The following DLGAP4 variants were observed in gnomAD, a reference collection of about 807,000 sequenced individuals.
DLGAP4 encodes the protein disks large-associated protein 4.
A neutral mutation model predicts 86.9 loss-of-function variants in DLGAP4; 18 were observed. The ratio of observed to expected loss-of-function variants is 0.21; its 90% confidence interval spans 0.14 to 0.31. The LOEUF is 0.31. Among genes scored for constraint, DLGAP4 ranks in the 10% least tolerant of loss-of-function variants. The pLI is 1.00. For missense variants in DLGAP4, 1,085 were observed against 1,362.6 expected, an observed-to-expected ratio of 0.80 and a Z score of 3.21; for synonymous variants, 548 against 574.3, an observed-to-expected ratio of 0.95 and a Z score of 0.65.
At chr20:36,412,528 A>G (rs2032528263) in intron 2 of DLGAP4, among the ~76,000 whole-genome samples, 1 of 152,226 alleles carries the variant, frequency 6.6e-6, no homozygotes, top group Non-Finnish European at 1.5e-5. Context: ...CTGGGTTCAA[A>G]TCCCAGCTCT....
chr20:36,455,528 G>GGGAT (rs1226467513), intron 7 of DLGAP4, among the ~76,000 whole-genome samples: 2 of 152,150 alleles, frequency 1.3e-5, no homozygotes, highest in African/African-American at 4.8e-5. Context: ...AGGCTGACCT[G>GGGAT]GGATGGGCTC....
chr20:36,361,505 C>T (rs781946052), intron 1 of DLGAP4, among the ~76,000 whole-genome samples: 3 of 152,076 alleles, frequency 2.0e-5, no homozygotes, highest in Non-Finnish European at 2.9e-5. Flanking sequence ...GTTCCACATG[C>T]GTTTTGAAAA....
Position 36,459,452 on chromosome 20 carries a change from C to T in DLGAP4, c.1648+12515C>T, listed in dbSNP as rs185705413. On this transcript the variant is annotated intron_variant, in intron 7 of 12. Coordinates refer to ENST00000339266, the MANE Select transcript of DLGAP4 (RefSeq NM_001365621.2). ...AGTGCCGTGGCAGGATCACAGCTCA[C>T]TACAGCTTTGACCTCCTGGGCCCAA... Among the ~76,000 whole-genome samples, 537 of 152,274 alleles carry T rather than the reference C, an allele frequency of 3.5e-3. 7 individuals carry two copies. The highest frequency in any genetic ancestry group is 0.013 in the African/African-American group (522 of 41,568).
chr20:36,453,934 CAAAAAAAAAAAA>C (rs1194294335), intron 7 of DLGAP4, among the ~76,000 whole-genome samples: 112 of 42,686 alleles, frequency 2.6e-3, no homozygotes, highest in African/African-American at 9.2e-3. Context: ...ACTCTGTCTC[CAAAAAAAAAAAA>C]AAAAAAAAAA....
At chr20:36,357,325 C>A (rs1555893913) in intron 1 of DLGAP4, among the ~76,000 whole-genome samples, 2 of 152,344 alleles carry the variant, frequency 1.3e-5, no homozygotes, top group African/African-American at 2.4e-5. Flanking sequence ...ACTTTGCCCA[C>A]CTAGTGGACA....
At chr20:36,323,430 T>C (rs2065188519) in intron 1 of DLGAP4, among the ~76,000 whole-genome samples, 2 of 152,194 alleles carry the variant, frequency 1.3e-5, no homozygotes, top group African/African-American at 4.8e-5. Context: ...GTTGTGTGTA[T>C]TGGTAAGTTT....
intron 2 of DLGAP4, among the ~76,000 whole-genome samples, chr20:36,390,549 C>A (rs754608260): frequency 5.9e-5 from 9 of 152,124 alleles, no homozygotes; most frequent in Non-Finnish European, 1.0e-4. Context: ...CTTACAGAGG[C>A]CCAGAATAGC....
chr20:36,452,855 CAG>C lies in DLGAP4; in HGVS notation c.1648+5921_1648+5922del, dbSNP rs1264711792. On this transcript the variant is annotated intron_variant, in intron 7 of 12. Transcript: ENST00000339266. ...TTTTTTTTTTTTTTTTTTTTTGAGA[CAG>C]AGTCTCCCTCTATCACTCAGGCTGG... 5.6e-5 allele frequency among the ~76,000 whole-genome samples: 6 copies of C among 107,870 alleles called. No individual in the cohort carries two copies. The Admixed American group carries it at 6.1e-4, about 11-fold the overall frequency. 70.8% of individuals were successfully genotyped at this position (107,870 alleles called of 152,430 possible). A position where few individuals can be genotyped will look rare whatever the true frequency, so the allele number is the denominator to read the frequency against.
intron 7 of DLGAP4, among the ~76,000 whole-genome samples, chr20:36,488,214 AAAAG>A (rs1320651599): frequency 9.9e-5 from 15 of 151,904 alleles, no homozygotes; most frequent in Admixed American, 9.2e-4. Context: ...AAAAAAAAAA[AAAAG>A]CAGTTAGTGC....
intron 8 of DLGAP4, chr20:36,497,598 G>T: frequency 1.0e-6 from 1 of 987,966 alleles, no homozygotes; most frequent in South Asian, 4.7e-5. Context: ...GGGCCTTGGG[G>T]ACAGGTAGGT....
chr20:36,376,782 C>G (rs1467905476), intron 2 of DLGAP4, among the ~76,000 whole-genome samples: 2 of 152,160 alleles, frequency 1.3e-5, no homozygotes, highest in African/African-American at 4.8e-5. Flanking sequence ...CCTCCAGGGT[C>G]CCGCGTCTCT....
intron 12 of DLGAP4, among the ~76,000 whole-genome samples, chr20:36,526,470 G>A (rs572809850): frequency 1.3e-5 from 2 of 152,138 alleles, no homozygotes; most frequent in East Asian, 3.9e-4. Flanking sequence ...CTGTAAAATG[G>A]GACCTGAAGC....
At chr20:36,440,154 G>A (rs2033407656) in intron 5 of DLGAP4, among the ~76,000 whole-genome samples, 1 of 152,192 alleles carries the variant, frequency 6.6e-6, no homozygotes, top group Admixed American at 6.5e-5. Flanking sequence ...TCAGAACCAT[G>A]AGGATAAGGA....
At chr20:36,465,020 TATG>T (rs1393601772) in intron 7 of DLGAP4, among the ~76,000 whole-genome samples, 1 of 152,174 alleles carries the variant, frequency 6.6e-6, no homozygotes, top group African/African-American at 2.4e-5. Context: ...ACTACAGGAT[TATG>T]ATGAGGATTA....
chr20:36,397,841 G>A (rs1283163078), intron 2 of DLGAP4, among the ~76,000 whole-genome samples: 2 of 152,194 alleles, frequency 1.3e-5, no homozygotes, highest in African/African-American at 4.8e-5. Flanking sequence ...GGCAAATTAG[G>A]CCAGGCATGG....
chr20:36,336,368 C>T (rs74538352), intron 1 of DLGAP4, among the ~76,000 whole-genome samples: 332 of 152,252 alleles, frequency 2.2e-3, no homozygotes, highest in Non-Finnish European at 4.0e-3. Context: ...GAGACTCTGC[C>T]CCCAGACACC....
chr20:36,376,507 G>T (rs2031161502), intron 2 of DLGAP4, among the ~76,000 whole-genome samples: 1 of 152,092 alleles, frequency 6.6e-6, no homozygotes, highest in African/African-American at 2.4e-5. Context: ...AATAAATCAA[G>T]ATCCTGGGCT....
intron 10 of DLGAP4, among the ~76,000 whole-genome samples, chr20:36,513,713 T>C (rs750450006): frequency 3.1e-4 from 47 of 152,218 alleles, no homozygotes; most frequent in South Asian, 1.2e-3. Context: ...AATCAGACTG[T>C]GGATATATCT....
chr20:36,463,188 A>G (rs2034178891), intron 7 of DLGAP4, among the ~76,000 whole-genome samples: 2 of 152,138 alleles, frequency 1.3e-5, no homozygotes, highest in Admixed American at 1.3e-4. Context: ...TGACTTTGGT[A>G]GTCTAACCTC....
Sources: allele counts gnomAD v4.1 joint callset (sites outside exome capture counted in the v4.1 genomes callset), GRCh38; gene constraint gnomAD v4.1.1; transcripts MANE v1.5; gene names NCBI Gene and HGNC (gene_info 2026-07-23, HGNC 2026-07-21).